Variants in DAB1 observed in about 807,000 individuals in gnomAD.
DAB1 encodes DAB adaptor protein 1.
In DAB1, 15 loss-of-function variants were observed where a neutral mutation model predicts 64.6. The observed-to-expected ratio is 0.23, with a 90% CI of 0.16 to 0.36. DAB1 has a LOEUF of 0.36. Ranked by LOEUF, DAB1 falls within the 10% of genes least tolerant of loss-of-function variation. The probability of loss-of-function intolerance (pLI) is 1.00; values close to 1 mark genes in which losing one functional copy is unlikely to be tolerated. For synonymous variants in DAB1, 235 were observed against 251.9 expected (o/e 0.93, Z 0.64); for missense variants, 596 against 706.7 (o/e 0.84, Z 1.78).
At chr1:57,280,461 A>C (rs1341815039) in intron 2 of DAB1, among the ~76,000 whole-genome samples, 2 of 152,210 alleles carry the variant, frequency 1.3e-5, no homozygotes, top group Non-Finnish European at 2.9e-5. Context: ...TGAGTCATTT[A>C]CTGACTATCT....
chr1:58,429,717 C>T (rs1022298994), intron 3 of DAB1, among the ~76,000 whole-genome samples: 1 of 152,174 alleles, frequency 6.6e-6, no homozygotes. Context: ...GGTGTCTTCA[C>T]TTAATGAAAC....
At chr1:57,790,483 T>C (rs1650542790) in intron 6 of DAB1, among the ~76,000 whole-genome samples, 1 of 152,148 alleles carries the variant, frequency 6.6e-6, no homozygotes. Flanking sequence ...TATTTCTTCA[T>C]AGTAGCATGA....
chr1:57,396,773 T>C (rs751414459), intron 1 of DAB1, among the ~76,000 whole-genome samples: 9 of 152,188 alleles, frequency 5.9e-5, no homozygotes, highest in Non-Finnish European at 1.2e-4. Flanking sequence ...CATGCTAACA[T>C]AGAGCCTGAC....
intron 3 of DAB1, among the ~76,000 whole-genome samples, chr1:58,387,015 A>G (rs1644437901): frequency 6.6e-6 from 1 of 152,202 alleles, no homozygotes; most frequent in Non-Finnish European, 1.5e-5. Flanking sequence ...AGCCAAGATC[A>G]TGCCATTGCA....
At chr1:58,414,705 A>C (rs1456815893) in intron 3 of DAB1, among the ~76,000 whole-genome samples, 1 of 152,164 alleles carries the variant, frequency 6.6e-6, no homozygotes, top group Non-Finnish European at 1.5e-5. Flanking sequence ...AAAGATGAGA[A>C]AAAAAGTCGG....
At chr1:57,612,223 G>A (rs915951839) in intron 7 of DAB1, among the ~76,000 whole-genome samples, 29 of 151,872 alleles carry the variant, frequency 1.9e-4, no homozygotes, top group African/African-American at 6.5e-4. Context: ...GTGTGTGCAT[G>A]TGTGTGCGTG....
At chr1:57,725,549 G>A (rs994341150) in intron 6 of DAB1, among the ~76,000 whole-genome samples, 2 of 152,126 alleles carry the variant, frequency 1.3e-5, no homozygotes, top group Admixed American at 6.5e-5. Context: ...ATCAGCAGGT[G>A]TTTCTGATGG....
intron 5 of DAB1, among the ~76,000 whole-genome samples, chr1:58,145,801 G>A (rs1654557842): frequency 1.3e-5 from 2 of 152,218 alleles, no homozygotes; most frequent in South Asian, 4.1e-4. Flanking sequence ...ATAAAAGGAA[G>A]AATTTAAGCA....
intron 2 of DAB1, among the ~76,000 whole-genome samples, chr1:57,257,046 C>A (rs989569760): frequency 1.1e-4 from 17 of 152,180 alleles, no homozygotes; most frequent in African/African-American, 4.1e-4. Context: ...ACATGAGTTT[C>A]CTTCACTGAC....
chr1:57,607,450 C>T (rs1487971793), intron 7 of DAB1, among the ~76,000 whole-genome samples: 1 of 152,218 alleles, frequency 6.6e-6, no homozygotes, highest in South Asian at 2.1e-4. Context: ...CTTCTGCCTT[C>T]CCTATTTTTA....
At chr1:57,184,878 C>T (rs149318846) in intron 2 of DAB1, among the ~76,000 whole-genome samples, 1 of 152,316 alleles carries the variant, frequency 6.6e-6, no homozygotes, top group Non-Finnish European at 1.5e-5. Flanking sequence ...GTTATGCTCT[C>T]ACCCACTGAA....
chr1:57,627,503 T>A (rs1299328984), intron 7 of DAB1, among the ~76,000 whole-genome samples: 1 of 152,248 alleles, frequency 6.6e-6, no homozygotes, highest in Non-Finnish European at 1.5e-5. Flanking sequence ...TATTATCCAT[T>A]ACAACTTTTG....
At chr1:57,557,489 T>C (rs948533334) in intron 7 of DAB1, among the ~76,000 whole-genome samples, 1 of 152,026 alleles carries the variant, frequency 6.6e-6, no homozygotes, top group African/African-American at 2.4e-5. Context: ...TATATTTCAT[T>C]AGTTCTGTAC....
At chr1:57,529,467 A>G (rs949909518) in intron 7 of DAB1, among the ~76,000 whole-genome samples, 3 of 152,254 alleles carry the variant, frequency 2.0e-5, no homozygotes, top group African/African-American at 7.2e-5. Flanking sequence ...ACTTAACTAT[A>G]TATCATTTAC....
At chr1:57,492,980 C>A (rs1644182942) in intron 7 of DAB1, among the ~76,000 whole-genome samples, 1 of 152,074 alleles carries the variant, frequency 6.6e-6, no homozygotes, top group African/African-American at 2.4e-5. Flanking sequence ...CTTGCTCATC[C>A]CTAGGCTGCA....
At chr1:57,187,570 T>C (rs1375119143) in intron 2 of DAB1, among the ~76,000 whole-genome samples, 1 of 152,204 alleles carries the variant, frequency 6.6e-6, no homozygotes, top group African/African-American at 2.4e-5. Flanking sequence ...TGCACTTCCC[T>C]TGGGGCTGAC....
intron 5 of DAB1, among the ~76,000 whole-genome samples, chr1:58,072,092 G>C (rs950107499): frequency 1.6e-5 from 2 of 122,354 alleles, no homozygotes; most frequent in Admixed American, 9.8e-5. Context: ...GGGTGGGGGG[G>C]GGTGGGTAGT....
chr1:57,462,121 G>C (rs1686805106), intron 7 of DAB1, among the ~76,000 whole-genome samples: 1 of 151,660 alleles, frequency 6.6e-6, no homozygotes, highest in Non-Finnish European at 1.5e-5. Flanking sequence ...GCTAATTTTT[G>C]TATTTTTAGT....
At chr1:57,445,021 C>T (rs929559487) in intron 7 of DAB1, among the ~76,000 whole-genome samples, 10 of 152,148 alleles carry the variant, frequency 6.6e-5, no homozygotes, top group Non-Finnish European at 1.2e-4. Context: ...ATAGAACTCA[C>T]CACAGTGAAT....
Sources: gnomAD v4.1 joint callset for allele counts (sites outside exome capture counted in the v4.1 genomes callset) on GRCh38, gnomAD v4.1.1 for gene constraint, MANE v1.5 for transcripts, NCBI Gene and HGNC (gene_info 2026-07-23, HGNC 2026-07-21) for gene names.